The following SGCZ variants were observed in gnomAD, a reference collection of about 807,000 sequenced individuals.
The protein encoded by SGCZ is zeta-sarcoglycan.
A neutral mutation model predicts 41.3 loss-of-function variants in SGCZ; 40 were observed. The ratio of observed to expected loss-of-function variants is 0.97; its 90% confidence interval spans 0.75 to 1.26. The LOEUF (loss-of-function observed/expected upper bound fraction) is 1.26. Ranked by LOEUF, SGCZ falls within the 50% of genes most tolerant of loss-of-function variation. The pLI is 0.00. For synonymous variants in SGCZ, 206 were observed against 137.5 expected, an observed-to-expected ratio of 1.50 and a Z score of -3.49; for missense variants, 552 against 369.8, an observed-to-expected ratio of 1.49 and a Z score of -4.04.
At chr8:14,115,449 A>T (rs1173449510) in intron 5 of SGCZ, among the ~76,000 whole-genome samples, 3 of 151,998 alleles carry the variant, frequency 2.0e-5, no homozygotes, top group Admixed American at 6.6e-5. Flanking sequence ...ATTTTTAAAA[A>T]TTTTATTAAT....
At chr8:14,221,137 T>G (rs1281150645) in intron 4 of SGCZ, among the ~76,000 whole-genome samples, 2 of 152,164 alleles carry the variant, frequency 1.3e-5, no homozygotes, top group Admixed American at 6.6e-5. Context: ...ATATTCAAAA[T>G]GTACATAAAA....
intron 1 of SGCZ, among the ~76,000 whole-genome samples, chr8:14,954,573 A>AT (rs1800737276): frequency 1.3e-5 from 2 of 152,108 alleles, no homozygotes; most frequent in Non-Finnish European, 2.9e-5. Context: ...CTCTTTATCA[A>AT]TGTACTCCCC....
At chr8:14,767,381 A>G (rs1317475010) in intron 1 of SGCZ, among the ~76,000 whole-genome samples, 1 of 152,204 alleles carries the variant, frequency 6.6e-6, no homozygotes, top group Non-Finnish European at 1.5e-5. Context: ...ATCAATCTCA[A>G]AAGTGTTTTT....
chr8:14,866,196 A>G (rs544546720), intron 1 of SGCZ, among the ~76,000 whole-genome samples: 1 of 152,230 alleles, frequency 6.6e-6, no homozygotes, highest in African/African-American at 2.4e-5. Flanking sequence ...CTATTTATGT[A>G]TCTCTGATTT....
At chr8:14,860,648 C>T (rs1803702115) in intron 1 of SGCZ, among the ~76,000 whole-genome samples, 1 of 111,858 alleles carries the variant, frequency 8.9e-6, no homozygotes, top group African/African-American at 3.3e-5. Flanking sequence ...AAAGAAAAGA[C>T]AGAAAAAGAA....
At chr8:14,980,727 G>A (rs1370606873) in intron 1 of SGCZ, among the ~76,000 whole-genome samples, 1 of 132,142 alleles carries the variant, frequency 7.6e-6, no homozygotes, top group Admixed American at 8.2e-5. Flanking sequence ...AACTGCCCCT[G>A]TGATTCAATC....
chr8:14,838,357 G>C (rs777684702), intron 1 of SGCZ, among the ~76,000 whole-genome samples: 7 of 152,126 alleles, frequency 4.6e-5, no homozygotes, highest in Non-Finnish European at 8.8e-5. Flanking sequence ...CCTATACCTA[G>C]TCAGTTCTCA....
chr8:14,253,540 C>T (rs1799358427), intron 3 of SGCZ, among the ~76,000 whole-genome samples: 1 of 151,914 alleles, frequency 6.6e-6, no homozygotes, highest in Non-Finnish European at 1.5e-5. Flanking sequence ...ATCACTTTTT[C>T]TTCAAATCAG....
chr8:14,662,767 G>A (rs1250776700), intron 1 of SGCZ, among the ~76,000 whole-genome samples: 4 of 152,150 alleles, frequency 2.6e-5, no homozygotes, highest in Non-Finnish European at 5.9e-5. Context: ...ACAAGCATGG[G>A]CCCAAGGTAA....
intron 1 of SGCZ, among the ~76,000 whole-genome samples, chr8:14,860,164 C>G (rs1803671832): frequency 6.6e-6 from 1 of 151,448 alleles, no homozygotes; most frequent in African/African-American, 2.4e-5. Context: ...ACTAAAAACT[C>G]GAAGAAAATG....
At chr8:14,811,152 T>C (rs2130537291) in intron 1 of SGCZ, among the ~76,000 whole-genome samples, 1 of 152,162 alleles carries the variant, frequency 6.6e-6, no homozygotes, top group South Asian at 2.1e-4. Flanking sequence ...CCAATCTTAA[T>C]AGAATAACTT....
chr8:14,108,259 G>C, intron 5 of SGCZ, 24 bp from the exon 6 acceptor site: 1 of 1,608,102 alleles, frequency 6.2e-7, no homozygotes, highest in Non-Finnish European at 8.5e-7. Flanking sequence ...GAATATAGCA[G>C]TCAGTATAAG....
chr8:14,847,904 C>T (rs1803190155), intron 1 of SGCZ, among the ~76,000 whole-genome samples: 1 of 151,164 alleles, frequency 6.6e-6, no homozygotes, highest in South Asian at 2.1e-4. Context: ...GCAGTGAAAT[C>T]AGGCAACACA....
At chr8:14,419,760 T>C (rs1315941845) in intron 2 of SGCZ, among the ~76,000 whole-genome samples, 1 of 151,988 alleles carries the variant, frequency 6.6e-6, no homozygotes, top group Non-Finnish European at 1.5e-5. Flanking sequence ...CCAATTTCCA[T>C]GTCTGTTAAA....
At chr8:14,480,912 G>C (rs1478204133) in intron 2 of SGCZ, among the ~76,000 whole-genome samples, 1 of 151,766 alleles carries the variant, frequency 6.6e-6, no homozygotes, top group Non-Finnish European at 1.5e-5. Flanking sequence ...TTTGAAAAAA[G>C]AATAACATTC....
chr8:14,903,867 T>C (rs1356171981), intron 1 of SGCZ, among the ~76,000 whole-genome samples: 1 of 151,972 alleles, frequency 6.6e-6, no homozygotes, highest in Non-Finnish European at 1.5e-5. Context: ...TTAAATAGAA[T>C]AAATATACAG....
At chr8:15,099,650 A>G (rs1022157460) in intron 1 of SGCZ, among the ~76,000 whole-genome samples, 2 of 152,206 alleles carry the variant, frequency 1.3e-5, no homozygotes, top group Non-Finnish European at 2.9e-5. Context: ...TAAAACCTGG[A>G]AAGACTTTAC....
At chr8:15,060,753 C>T (rs1420490081) in intron 1 of SGCZ, among the ~76,000 whole-genome samples, 1 of 150,696 alleles carries the variant, frequency 6.6e-6, no homozygotes, top group Admixed American at 6.6e-5. Context: ...AGTCAACATT[C>T]TGGGTTCTTA....
chr8:14,595,667 T>A (rs549387116), intron 1 of SGCZ, among the ~76,000 whole-genome samples: 91 of 152,276 alleles, frequency 6.0e-4, no homozygotes, highest in African/African-American at 2.0e-3. Context: ...ATGCTTCACG[T>A]CTAAAACTCT....
Sources: gnomAD v4.1 joint callset for allele counts (sites outside exome capture counted in the v4.1 genomes callset) on GRCh38, gnomAD v4.1.1 for gene constraint, MANE v1.5 for transcripts, NCBI Gene and HGNC (gene_info 2026-07-23, HGNC 2026-07-21) for gene names.